The following AFF1 variants were observed in gnomAD, a reference collection of about 807,000 sequenced individuals.
The protein encoded by AFF1 is AF4/FMR2 family member 1.
A neutral mutation model predicts 121.7 loss-of-function variants in AFF1; 48 were observed. That is an observed-to-expected ratio of 0.39 (90% CI 0.31 to 0.50). AFF1 has a LOEUF of 0.50. AFF1 is among the 20% of genes least tolerant of loss of function. The probability of loss-of-function intolerance (pLI) is 0.76; values close to 1 mark genes in which losing one functional copy is unlikely to be tolerated. For missense variants in AFF1, 1,523 were observed against 1,511.7 expected, an observed-to-expected ratio of 1.01 and a Z score of -0.12; for synonymous variants, 613 against 563.0, an observed-to-expected ratio of 1.09 and a Z score of -1.26.
In AFF1 at chr4:87,085,442, T is replaced by C. The variant is rs116128089; in HGVS notation, c.1104+1278T>C. Among the ~76,000 whole-genome samples the C allele has an allele frequency of 8.1e-3, 1,223 of 151,700 alleles. 10 individuals are homozygous for C. The highest frequency in any genetic ancestry group is 0.019 in the African/African-American group (785 of 41,470). ...TAGGGTTTCTGACTTTTTTCTTCTT[T>C]TTTTTTTTTAATTAGTAGAGAGATG... On this transcript the variant is annotated intron_variant, in intron 5 of 20. Transcript: ENST00000395146.
intron 8 of AFF1, among the ~76,000 whole-genome samples, chr4:87,098,902 A>G (rs1416503270): frequency 1.3e-5 from 2 of 152,192 alleles, no homozygotes; most frequent in Admixed American, 6.5e-5. Flanking sequence ...TACCTTTTCA[A>G]ATGAGCCCGA....
rs953937556 is a variant in AFF1 at position 87,125,647 on chromosome 4, G to A, written c.2574-452G>A. ...TGAGAAGTGGTAGTGCCAGGAAGAC[G>A]TAAATATAACAAGCAGCTATTATTT... On this transcript the variant is annotated intron_variant, in intron 13 of 20. Coordinates refer to ENST00000395146, the MANE Select transcript of AFF1 (RefSeq NM_001166693.3). Among the ~76,000 whole-genome samples, 10 of 152,138 alleles carry A rather than the reference G, an allele frequency of 6.6e-5. No individual in the cohort carries two copies. The South Asian group carries it at 1.9e-3, about 28-fold the overall frequency.
At chr4:87,072,848 A>C (rs1722233412) in intron 4 of AFF1, among the ~76,000 whole-genome samples, 1 of 152,168 alleles carries the variant, frequency 6.6e-6, no homozygotes, top group Non-Finnish European at 1.5e-5. Context: ...GTTTATTTAA[A>C]AAGAAATACT....
At chr4:87,084,414 A>T (rs1723488620) in intron 5 of AFF1, among the ~76,000 whole-genome samples, 1 of 151,916 alleles carries the variant, frequency 6.6e-6, no homozygotes, top group African/African-American at 2.4e-5. Context: ...GTGGTGGCAC[A>T]TGCCTGTAGT....
At chr4:87,077,113 A>G (rs1002306032) in intron 4 of AFF1, among the ~76,000 whole-genome samples, 16 of 152,236 alleles carry the variant, frequency 1.1e-4, no homozygotes, top group South Asian at 2.1e-4. Flanking sequence ...GTGTCTTCTC[A>G]CTATGTAAGT....
intron 2 of AFF1, chr4:87,007,321 G>A: frequency 1.2e-6 from 2 of 1,602,140 alleles, no homozygotes; most frequent in Non-Finnish European, 1.7e-6. Context: ...GCCCGGCTCC[G>A]CCAAATGGTG....
intron 2 of AFF1, among the ~76,000 whole-genome samples, chr4:86,969,772 CG>C: frequency 6.8e-6 from 1 of 147,880 alleles, no homozygotes; most frequent in Middle Eastern, 3.8e-3. Context: ...CCCAGCTACT[CG>C]GGAGGCTGAG....
intron 2 of AFF1, chr4:87,006,937 T>C (rs1726192716): frequency 2.0e-6 from 2 of 1,021,920 alleles, no homozygotes; most frequent in Admixed American, 5.8e-5. Context: ...ACCGCAACTT[T>C]CTTGACAGGG....
intron 2 of AFF1, among the ~76,000 whole-genome samples, chr4:86,971,665 TAA>T (rs1443001120): frequency 6.6e-6 from 1 of 152,214 alleles, no homozygotes; most frequent in Non-Finnish European, 1.5e-5. Flanking sequence ...AGCTATTAGA[TAA>T]ATAGCAATAC....
chr4:86,946,832 A>G (rs1381644187), intron 1 of AFF1, among the ~76,000 whole-genome samples: 1 of 152,038 alleles, frequency 6.6e-6, no homozygotes, highest in Non-Finnish European at 1.5e-5. Context: ...TTCTCCTGTT[A>G]TCACTCTCCA....
At chr4:87,130,947 G>A in intron 16 of AFF1, 136 bp from the exon 17 acceptor site, 1 of 1,186,998 alleles carries the variant, frequency 8.4e-7, no homozygotes, top group Non-Finnish European at 1.2e-6. Context: ...ATCATTTTTA[G>A]TTCATTCATC....
At chr4:87,043,952 G>A (rs1045860688) in intron 2 of AFF1, among the ~76,000 whole-genome samples, 1 of 152,068 alleles carries the variant, frequency 6.6e-6, no homozygotes, top group East Asian at 1.9e-4. Flanking sequence ...CAGAGTAGCT[G>A]GCACTACAGG....
chr4:87,127,783 A>G, intron 16 of AFF1, 80 bp downstream of exon 16: 1 of 1,391,284 alleles, frequency 7.2e-7, no homozygotes, highest in Non-Finnish European at 1.0e-6. Context: ...ATTCTGCTGT[A>G]TTCCATATCA....
intron 4 of AFF1, among the ~76,000 whole-genome samples, chr4:87,051,654 G>A (rs965074029): frequency 6.6e-6 from 1 of 151,652 alleles, no homozygotes; most frequent in Non-Finnish European, 1.5e-5. Flanking sequence ...TTTTTTATTC[G>A]AGACGAGGTT....
In AFF1 at chr4:87,139,926, A is replaced by G. The variant is rs568859964; in HGVS notation, c.*4225A>G. On this transcript the variant is annotated 3_prime_UTR_variant, in exon 21 of 21. Transcript: ENST00000395146. The stretch of plus-strand genomic sequence containing the variant: ...AATTATGGTGAGTTGACAAATACCA[A>G]CTACTGCTTTTCTTTAGGTGGCTAT... The G allele has an allele frequency of 9.7e-5, 21 of 216,948 alleles. No individual in the cohort carries two copies. Among genetic ancestry groups the G allele is most frequent in the Non-Finnish European group, 1.8e-4 (19 of 107,816 alleles). 13.4% of individuals were successfully genotyped at this position (216,948 alleles called of 1,614,324 possible).
intron 2 of AFF1, among the ~76,000 whole-genome samples, chr4:87,022,712 C>CTG (rs139922655): frequency 7.0e-6 from 1 of 143,782 alleles, no homozygotes; most frequent in East Asian, 2.0e-4. Flanking sequence ...ATATATATAT[C>CTG]TGTGTGTATA....
At position 87,108,231 on chromosome 4, in the gene AFF1, C is replaced by G. The variant is rs368461201; in HGVS notation, c.1449C>G (p.Asp483Glu). The part of the protein sequence containing the change: ...SSSAESESTS[D>E]SDSSSDSESE... ...GTGCAGAGTCAGAAAGCACCAGTGA[C>G]TCAGACAGTTCCTCAGACTCAGAGA... Residue 483 changes from aspartate (D) to glutamate (E), a missense_variant, in exon 11 of 21, where the codon GAC becomes GAG. Physicochemically the swap from Asp to Glu is conservative, Grantham distance 45. Transcript: ENST00000395146. 3 of 1,614,044 alleles carry G rather than the reference C, an allele frequency of 1.9e-6. No homozygotes were observed. In the African/African-American group the frequency reaches 4.0e-5, roughly 22 times the overall value.
intron 4 of AFF1, among the ~76,000 whole-genome samples, chr4:87,073,926 A>C (rs921729938): frequency 1.3e-5 from 2 of 152,080 alleles, no homozygotes; most frequent in Non-Finnish European, 2.9e-5. Context: ...TTGACTCAGA[A>C]CCATCCGTTA....
At chr4:87,052,517 A>G (rs1731375167) in intron 4 of AFF1, among the ~76,000 whole-genome samples, 1 of 152,114 alleles carries the variant, frequency 6.6e-6, no homozygotes. Flanking sequence ...AACTGGCGAC[A>G]TAGGCAGGAG....
Sources: allele counts gnomAD v4.1 joint callset (sites outside exome capture counted in the v4.1 genomes callset), GRCh38; gene constraint gnomAD v4.1.1; transcripts MANE v1.5; gene names NCBI Gene and HGNC (gene_info 2026-07-23, HGNC 2026-07-21).